Variants in DIAPH2 observed in about 807,000 individuals in gnomAD.
DIAPH2 encodes the protein protein diaphanous homolog 2.
In DIAPH2, 35 loss-of-function variants were observed where a neutral mutation model predicts 92.7. The ratio of observed to expected loss-of-function variants is 0.38; its 90% confidence interval spans 0.29 to 0.50. The LOEUF (loss-of-function observed/expected upper bound fraction) is 0.50, where lower values mean the gene tolerates loss of function less well. DIAPH2 is among the 20% of genes least tolerant of loss of function. DIAPH2 has a pLI of 0.94. For synonymous variants in DIAPH2, 301 were observed against 280.4 expected, an observed-to-expected ratio of 1.07 and a Z score of -0.73; for missense variants, 701 against 819.5, an observed-to-expected ratio of 0.86 and a Z score of 1.77.
intron 1 of DIAPH2, among the ~76,000 whole-genome samples, chrX:96,719,299 T>C (rs945663374): frequency 1.8e-5 from 2 of 112,286 alleles, no homozygotes; most frequent in African/African-American, 6.5e-5. Context: ...TGTGATCTTA[T>C]GTGTCCATTT....
intron 21 of DIAPH2, among the ~76,000 whole-genome samples, chrX:97,139,456 A>T (rs1409295632): frequency 8.2e-4 from 85 of 104,271 alleles, no homozygotes; most frequent in Middle Eastern, 4.9e-3. Flanking sequence ...TTTTTTTTTT[A>T]AAAAAAAACA....
intron 26 of DIAPH2, among the ~76,000 whole-genome samples, chrX:97,450,845 C>A (rs1270887655): frequency 9.3e-6 from 1 of 107,835 alleles, no homozygotes; most frequent in African/African-American, 3.4e-5. Context: ...TGAATGACAG[C>A]TTTAAGTCAC....
At chrX:97,268,840 T>C (rs1458598943) in intron 23 of DIAPH2, among the ~76,000 whole-genome samples, 2 of 108,412 alleles carry the variant, frequency 1.8e-5, no homozygotes, top group African/African-American at 6.8e-5. Flanking sequence ...ACTGTTCTTT[T>C]TTTTTTCTTT....
At chrX:97,523,753 A>AT (rs202040202) in intron 26 of DIAPH2, among the ~76,000 whole-genome samples, 3 of 111,418 alleles carry the variant, frequency 2.7e-5, no homozygotes, top group Admixed American at 1.9e-4. Context: ...CCATTTTGTA[A>AT]TTTTTTTATG....
intron 1 of DIAPH2, among the ~76,000 whole-genome samples, chrX:96,695,462 C>T (rs147639320): frequency 1.1e-3 from 126 of 111,990 alleles, no homozygotes; most frequent in African/African-American, 4.0e-3. Context: ...TGTAAGTTCC[C>T]ATGAGAGCAA....
At chrX:97,300,079 C>T (rs753349140) in intron 23 of DIAPH2, among the ~76,000 whole-genome samples, 2 of 111,996 alleles carry the variant, frequency 1.8e-5, no homozygotes, top group South Asian at 3.7e-4. Flanking sequence ...CCCAGTTGTG[C>T]GTTGTAAGAC....
intron 23 of DIAPH2, among the ~76,000 whole-genome samples, chrX:97,339,021 GC>G (rs2069089838): frequency 9.0e-6 from 1 of 111,511 alleles, no homozygotes; most frequent in East Asian, 2.8e-4. Context: ...TTTGGTATAA[GC>G]TTATGGAGGA....
intron 22 of DIAPH2, among the ~76,000 whole-genome samples, chrX:97,236,206 C>T (rs1297922246): frequency 9.0e-6 from 1 of 111,537 alleles, no homozygotes; most frequent in Non-Finnish European, 1.9e-5. Context: ...GGACTTCATG[C>T]ATTAAACTTG....
chrX:97,488,455 T>G (rs1265892513), intron 26 of DIAPH2, among the ~76,000 whole-genome samples: 1 of 112,361 alleles, frequency 8.9e-6, no homozygotes, highest in African/African-American at 3.2e-5. Context: ...TTTAGTTTTA[T>G]GTAATCTCAC....
intron 23 of DIAPH2, among the ~76,000 whole-genome samples, chrX:97,261,494 T>C (rs2068287628): frequency 1.8e-5 from 2 of 112,411 alleles, no homozygotes; most frequent in African/African-American, 6.5e-5. Context: ...CTCTTAATGT[T>C]ATCGGGAATA....
At chrX:96,723,287 T>C (rs2063999733) in intron 1 of DIAPH2, among the ~76,000 whole-genome samples, 1 of 111,772 alleles carries the variant, frequency 8.9e-6, no homozygotes, top group African/African-American at 3.3e-5. Flanking sequence ...ATAATTTTTT[T>C]AAATAGAAGG....
At chrX:96,712,514 G>T (rs906865140) in intron 1 of DIAPH2, among the ~76,000 whole-genome samples, 3 of 110,385 alleles carry the variant, frequency 2.7e-5, no homozygotes, top group Non-Finnish European at 5.7e-5. Context: ...GTTTTGTCTG[G>T]TAGTTTTCTC....
chrX:97,467,127 A>G (rs1021194717), intron 26 of DIAPH2, among the ~76,000 whole-genome samples: 4 of 111,926 alleles, frequency 3.6e-5, no homozygotes, highest in African/African-American at 1.3e-4. Flanking sequence ...TGATGAACAC[A>G]CCCTTTTATC....
At position 97,101,883 on chromosome X, in the gene DIAPH2, C is replaced by T. The variant is rs745864442; in HGVS notation, c.2349+2088C>T. ...TCACTTCTGTGTGTATACATCCAAA[C>T]ACTTTTTAACCCTTAAACATATATC... On this transcript the variant is annotated intron_variant, in intron 20 of 26. Coordinates refer to ENST00000324765, the MANE Select transcript of DIAPH2 (RefSeq NM_006729.5). 2.7e-5 allele frequency among the ~76,000 whole-genome samples: 3 copies of T among 112,136 alleles called. No individual in the cohort carries two copies. In the Admixed American group the frequency reaches 2.8e-4, roughly 11 times the overall value.
At chrX:96,806,646 C>CAAAAAAAAAAAAAAAAAA (rs1234663626) in intron 4 of DIAPH2, among the ~76,000 whole-genome samples, 3 of 34,433 alleles carry the variant, frequency 8.7e-5, no homozygotes, top group Admixed American at 5.2e-4. Context: ...AACTCCATCT[C>CAAAAAAAAAAAAAAAAAA]AAAAAAAAAA....
chrX:97,439,445 C>T (rs772488253), intron 26 of DIAPH2, among the ~76,000 whole-genome samples: 3 of 110,323 alleles, frequency 2.7e-5, no homozygotes, highest in Non-Finnish European at 5.7e-5. Context: ...TGGTGGCACG[C>T]GCCTGTAATC....
rs969312935 is a variant in DIAPH2, at chrX:97,002,473, T to C, written c.2050+37266T>C. ...CACATTTTACTAAAGCAAGACCATA[T>C]TGATTCATAGAAGACTTTAGTTGTT... On this transcript the variant is annotated intron_variant, in intron 17 of 26. Transcript: ENST00000324765. 3.6e-5 allele frequency among the ~76,000 whole-genome samples: 4 copies of C among 111,342 alleles called. 1 individual carries two copies. Among genetic ancestry groups the C allele is most frequent in the South Asian group, 7.6e-4 (2 of 2,634 alleles).
At chrX:96,797,405 C>T (rs1602515388) in intron 4 of DIAPH2, among the ~76,000 whole-genome samples, 2 of 111,923 alleles carry the variant, frequency 1.8e-5, no homozygotes, top group South Asian at 7.4e-4. Context: ...CGCTTGAACT[C>T]GGGAGCCAGA....
At chrX:97,475,990 A>G (rs777177747) in intron 26 of DIAPH2, among the ~76,000 whole-genome samples, 37 of 111,916 alleles carry the variant, frequency 3.3e-4, no homozygotes, top group Non-Finnish European at 5.3e-4. Context: ...GCATCATATT[A>G]TATGTAAAAT....
Sources: allele counts gnomAD v4.1 joint callset (sites outside exome capture counted in the v4.1 genomes callset), GRCh38; gene constraint gnomAD v4.1.1; transcripts MANE v1.5; gene names NCBI Gene and HGNC (gene_info 2026-07-23, HGNC 2026-07-21).